Variants in PROS1 observed in about 807,000 individuals in gnomAD.
PROS1 encodes vitamin K-dependent protein S.
A neutral mutation model predicts 75.9 loss-of-function variants in PROS1; 29 were observed. The observed-to-expected ratio is 0.38, with a 90% CI of 0.28 to 0.52. The LOEUF (loss-of-function observed/expected upper bound fraction) is 0.52, where lower values mean the gene tolerates loss of function less well. Among genes scored for constraint, PROS1 ranks in the 20% least tolerant of loss-of-function variants. The probability of loss-of-function intolerance (pLI) is 0.83; values close to 1 mark genes in which losing one functional copy is unlikely to be tolerated. For synonymous variants in PROS1, 245 were observed against 280.6 expected, an observed-to-expected ratio of 0.87 and a Z score of 1.27; for missense variants, 680 against 810.3, an observed-to-expected ratio of 0.84 and a Z score of 1.95.
intron 6 of PROS1, among the ~76,000 whole-genome samples, chr3:93,904,165 T>A (rs1036860701): frequency 4.6e-5 from 7 of 151,978 alleles, no homozygotes; most frequent in Admixed American, 1.3e-4. Context: ...TTATGGCTGC[T>A]TAGTATTCCA....
At position 93,892,974 on chromosome 3, in the gene PROS1, T is replaced by C. The variant is rs1266358942; in HGVS notation, c.1114A>G (p.Thr372Ala). The change falls in exon 10 of 15, where the codon ACA (threonine) becomes GCA (alanine). Residue 372 changes from threonine (T) to alanine (A), a missense_variant. By Grantham distance (58) the Thr-to-Ala change is moderately conservative. Transcript: ENST00000394236. ...TTATTAATAACATCACCTCCAGTTG[T>C]GATTTTGGATGTATGTTCATTCTTA... ...QLKNEHTSKI[T>A]TGGDVINNGL... The C allele has an allele frequency of 8.1e-6, 13 of 1,612,846 alleles. No homozygotes were observed. Among genetic ancestry groups the C allele is most frequent in the Non-Finnish European group, 1.1e-5 (13 of 1,179,958 alleles).
At chr3:93,930,457 T>C (rs1322134534) in intron 1 of PROS1, among the ~76,000 whole-genome samples, 4 of 152,244 alleles carry the variant, frequency 2.6e-5, no homozygotes, top group African/African-American at 9.6e-5. Context: ...ACTGATTCAA[T>C]TTTAAAAATC....
In PROS1 at chr3:93,958,236, G is replaced by T. The variant is rs556296964; in HGVS notation, c.76+15438C>A. Among the ~76,000 whole-genome samples, 4 of 152,222 alleles carry T rather than the reference G, an allele frequency of 2.6e-5. No homozygotes were observed. The East Asian group carries it at 7.7e-4, about 29-fold the overall frequency. On this transcript the variant is annotated intron_variant, in intron 1 of 14. Coordinates refer to ENST00000394236, the MANE Select transcript of PROS1 (RefSeq NM_000313.4). ...AGGAATATTTAGGTAAAAAGAATTT[G>T]TGTCATCTAACAGAACAAGGGTCAA...
intron 3 of PROS1, among the ~76,000 whole-genome samples, chr3:93,919,499 T>C (rs1346695146): frequency 1.3e-5 from 2 of 152,056 alleles, no homozygotes; most frequent in Admixed American, 6.6e-5. Flanking sequence ...TTTATAAATA[T>C]CACCTCTTGA....
intron 9 of PROS1, among the ~76,000 whole-genome samples, chr3:93,895,053 T>C (rs1212912835): frequency 1.3e-5 from 2 of 152,166 alleles, no homozygotes; most frequent in African/African-American, 4.8e-5. Flanking sequence ...AATGGCATAG[T>C]ATTTGCATAT....
intron 1 of PROS1, among the ~76,000 whole-genome samples, chr3:93,946,728 T>C (rs1709407450): frequency 6.6e-6 from 1 of 151,508 alleles, no homozygotes; most frequent in Non-Finnish European, 1.5e-5. Context: ...AGGAATACCA[T>C]TCAGGCCACA....
chr3:93,932,468 T>C (rs1709119936), intron 1 of PROS1, among the ~76,000 whole-genome samples: 1 of 152,182 alleles, frequency 6.6e-6, no homozygotes, highest in Admixed American at 6.5e-5. Context: ...AGTGTTACAT[T>C]CAGATTCAAA....
chr3:93,892,783 G>A, intron 10 of PROS1, 150 bp downstream of exon 10: 1 of 699,156 alleles, frequency 1.4e-6, no homozygotes, highest in South Asian at 1.7e-5. Context: ...TTCTCAGGAT[G>A]CTTCAGGGAT....
At chr3:93,898,705 C>G in intron 7 of PROS1, 136 bp from the exon 8 acceptor site, 1 of 940,684 alleles carries the variant, frequency 1.1e-6, no homozygotes, top group Non-Finnish European at 1.7e-6. Context: ...ACTATGACAT[C>G]AAACTACATT....
chr3:93,910,643 G>T lies in PROS1; in HGVS notation c.322C>A (p.Pro108Thr), dbSNP rs1708746199. ...CCATTGACACAGCTTCTTAGGTCAG[G>T]ATAAGCATTAGTTGACTGACGTGCA... Reference protein sequence around the residue: ...TAARQSTNAYPDLRSCVNAIP... With the variant: ...TAARQSTNAYTDLRSCVNAIP... Residue 108 changes from proline (P) to threonine (T), a missense_variant, in exon 4 of 15, where the codon CCT (proline) becomes ACT (threonine). By Grantham distance (38) the Pro-to-Thr change is conservative (BLOSUM62 -1). Coordinates refer to ENST00000394236, the MANE Select transcript of PROS1 (RefSeq NM_000313.4). 2.5e-6 allele frequency: 4 copies of T among 1,613,468 alleles called. No homozygotes were observed. Among genetic ancestry groups the T allele is most frequent in the Non-Finnish European group, 3.4e-6 (4 of 1,179,552 alleles).
At chr3:93,971,355 CTAAA>C (rs62998164) in intron 1 of PROS1, among the ~76,000 whole-genome samples, 91,489 of 136,370 alleles carry the variant, frequency 0.67, 30,934 homozygotes, top group Middle Eastern at 0.79. Context: ...GACTCCATCT[CTAAA>C]TAAATAAATA....
chr3:93,895,745 A>G lies in PROS1; in HGVS notation c.965+831T>C, dbSNP rs1357674461. Among the ~76,000 whole-genome samples, 6 of 152,252 alleles carry G rather than the reference A, an allele frequency of 3.9e-5. No individual in the cohort carries two copies. In the East Asian group the frequency reaches 9.7e-4, roughly 25 times the overall value. On this transcript the variant is annotated intron_variant, in intron 9 of 14. Transcript: ENST00000394236. Reference sequence around the variant, plus strand: ...TTATGGCAGATCACCTGAGGTGATCACCTGAGGTCAGGAGTTTGAGACAAC... The same window carrying G: ...TTATGGCAGATCACCTGAGGTGATCGCCTGAGGTCAGGAGTTTGAGACAAC...
At chr3:93,924,799 A>G (rs1708992932) in intron 2 of PROS1, among the ~76,000 whole-genome samples, 1 of 151,934 alleles carries the variant, frequency 6.6e-6, no homozygotes, top group African/African-American at 2.4e-5. Context: ...AGTAGCTGGA[A>G]CTACAGGTAC....
intron 1 of PROS1, among the ~76,000 whole-genome samples, chr3:93,955,339 A>G (rs1434701447): frequency 6.6e-6 from 1 of 152,242 alleles, no homozygotes; most frequent in African/African-American, 2.4e-5. Context: ...ATGCCCATCA[A>G]TGATAGACTG....
chr3:93,931,625 CACTG>C (rs1365857013), intron 1 of PROS1, among the ~76,000 whole-genome samples: 2 of 152,178 alleles, frequency 1.3e-5, no homozygotes, highest in Non-Finnish European at 2.9e-5. Context: ...CCAGCTTTCA[CACTG>C]ACTGCTTGAA....
intron 1 of PROS1, among the ~76,000 whole-genome samples, chr3:93,965,271 C>T (rs1159683474): frequency 2.0e-5 from 3 of 152,186 alleles, no homozygotes; most frequent in East Asian, 1.9e-4. Context: ...TTTTGCTCGC[C>T]GTCCACAACT....
chr3:93,889,407 T>C (rs957128867), intron 10 of PROS1, among the ~76,000 whole-genome samples: 4 of 152,166 alleles, frequency 2.6e-5, no homozygotes, highest in Non-Finnish European at 5.9e-5. Flanking sequence ...TTATGATACA[T>C]TTACAATTAA....
chr3:93,891,584 A>G (rs1349529786), intron 10 of PROS1, among the ~76,000 whole-genome samples: 1 of 151,814 alleles, frequency 6.6e-6, no homozygotes, highest in Admixed American at 6.6e-5. Context: ...TAATTTTTGT[A>G]TTTTTAATAG....
At chr3:93,946,838 GAAAAAAAAAAAA>G (rs769904782) in intron 1 of PROS1, among the ~76,000 whole-genome samples, 44 of 64,044 alleles carry the variant, frequency 6.9e-4, no homozygotes, top group African/African-American at 2.4e-3. Context: ...CTTCTGCACA[GAAAAAAAAAAAA>G]AAAAAAAACT....
Sources: allele counts gnomAD v4.1 joint callset (sites outside exome capture counted in the v4.1 genomes callset), GRCh38; gene constraint gnomAD v4.1.1; transcripts MANE v1.5; gene names NCBI Gene and HGNC (gene_info 2026-07-23, HGNC 2026-07-21).